DHRSX: variants seen among roughly 807,000 people sequenced by gnomAD.
DHRSX encodes polyprenol dehydrogenase.
DHRSX carries 31 observed loss-of-function variants against 34.0 expected under a neutral mutation model. The ratio of observed to expected loss-of-function variants is 0.91; its 90% confidence interval spans 0.69 to 1.23. DHRSX has a LOEUF of 1.23. Among genes scored for constraint, DHRSX ranks in the 50% most tolerant of loss-of-function variants. The pLI, the probability that DHRSX is intolerant of heterozygous loss-of-function variation, is 0.00. For missense variants in DHRSX, 414 were observed against 428.1 expected (o/e 0.97, Z 0.29); for synonymous variants, 201 against 183.8 (o/e 1.09, Z -0.76).
At chrX:2,247,824 C>G (rs1322873050) in intron 5 of DHRSX, among the ~76,000 whole-genome samples, 1 of 152,042 alleles carries the variant, frequency 6.6e-6, no homozygotes, top group Non-Finnish European at 1.5e-5. Flanking sequence ...TCTTGCTGAC[C>G]TTCTCCTACC....
At chrX:2,286,692 G>A (rs866397165) in intron 4 of DHRSX, among the ~76,000 whole-genome samples, 3 of 146,866 alleles carry the variant, frequency 2.0e-5, no homozygotes, top group Non-Finnish European at 3.0e-5. Flanking sequence ...ACCCACAGAG[G>A]AAAAAAAAAA....
intron 6 of DHRSX, among the ~76,000 whole-genome samples, chrX:2,239,592 T>TAA (rs905070918): frequency 6.7e-6 from 1 of 148,522 alleles, no homozygotes; most frequent in Non-Finnish European, 1.5e-5. Flanking sequence ...CCGTCTCTAC[T>TAA]AAAAAAAAAT....
chrX:2,373,817 A>C (rs1396255340), intron 3 of DHRSX, among the ~76,000 whole-genome samples: 1 of 152,138 alleles, frequency 6.6e-6, no homozygotes, highest in Non-Finnish European at 1.5e-5. Context: ...CCGGCCAGGA[A>C]ATAGAGGTGA....
intron 4 of DHRSX, among the ~76,000 whole-genome samples, chrX:2,274,100 TGATGTCG>T (rs1231794736): frequency 2.0e-5 from 3 of 151,788 alleles, no homozygotes; most frequent in Non-Finnish European, 4.4e-5. Flanking sequence ...TGCAGTGTTG[TGATGTCG>T]GCTCACTGCA....
intron 3 of DHRSX, among the ~76,000 whole-genome samples, chrX:2,380,708 C>T: frequency 6.6e-6 from 1 of 152,046 alleles, no homozygotes; most frequent in Non-Finnish European, 1.5e-5. Flanking sequence ...GTGGCATTCC[C>T]CCCTTGCTCT....
At chrX:2,354,958 GA>G (rs371703205) in intron 3 of DHRSX, among the ~76,000 whole-genome samples, 155 of 152,160 alleles carry the variant, frequency 1.0e-3, no homozygotes, top group African/African-American at 3.6e-3. Context: ...GGACTCATGG[GA>G]AAAACAGGCA....
At chrX:2,337,137 C>G (rs1212944856) in intron 3 of DHRSX, among the ~76,000 whole-genome samples, 1 of 152,106 alleles carries the variant, frequency 6.6e-6, no homozygotes, top group East Asian at 1.9e-4. Context: ...CCAGAAAAGC[C>G]AACAAAGCTA....
chrX:2,374,696 G>A (rs1168895225), intron 3 of DHRSX, among the ~76,000 whole-genome samples: 2 of 137,062 alleles, frequency 1.5e-5, no homozygotes, highest in East Asian at 2.0e-4. Context: ...CCGAGATCAC[G>A]CCATTGCACT....
At chrX:2,222,327 C>A (rs1399936752) in intron 6 of DHRSX, among the ~76,000 whole-genome samples, 1 of 152,242 alleles carries the variant, frequency 6.6e-6, no homozygotes, top group South Asian at 2.1e-4. Flanking sequence ...CCCCAGAGGT[C>A]AGGCTGGCCT....
intron 3 of DHRSX, among the ~76,000 whole-genome samples, chrX:2,366,164 G>T (rs1220582336): frequency 6.6e-6 from 1 of 152,066 alleles, no homozygotes; most frequent in Non-Finnish European, 1.5e-5. Flanking sequence ...AAAATAGGCC[G>T]GGTGTGGTGG....
chrX:2,305,589 G>A (rs967225186), intron 3 of DHRSX, among the ~76,000 whole-genome samples: 17 of 152,042 alleles, frequency 1.1e-4, no homozygotes, highest in Non-Finnish European at 1.5e-4. Context: ...TGGAACCAAC[G>A]CAAATGCCCG....
At chrX:2,494,396 T>C (rs760007464) in intron 1 of DHRSX, among the ~76,000 whole-genome samples, 1 of 152,074 alleles carries the variant, frequency 6.6e-6, no homozygotes, top group South Asian at 2.1e-4. Context: ...ATTCTATTAT[T>C]ATTACTTTTG....
chrX:2,227,384 G>A (rs1462657413), intron 6 of DHRSX, among the ~76,000 whole-genome samples: 4 of 150,512 alleles, frequency 2.7e-5, no homozygotes, highest in Admixed American at 2.0e-4. Context: ...AATAGAGAAA[G>A]GAATTAAGGA....
At chrX:2,420,175 G>A (rs1308498634) in intron 2 of DHRSX, among the ~76,000 whole-genome samples, 2 of 151,788 alleles carry the variant, frequency 1.3e-5, no homozygotes, top group South Asian at 2.1e-4. Flanking sequence ...TTGGGAGGCC[G>A]AGGCAGGCAA....
At chrX:2,442,253 G>A (rs189999091) in intron 1 of DHRSX, among the ~76,000 whole-genome samples, 2 of 151,132 alleles carry the variant, frequency 1.3e-5, no homozygotes, top group East Asian at 1.9e-4. Context: ...CATCCTCATC[G>A]TCTCCATGCT....
intron 3 of DHRSX, among the ~76,000 whole-genome samples, chrX:2,343,434 T>C (rs780797883): frequency 1.3e-5 from 2 of 152,340 alleles, no homozygotes; most frequent in South Asian, 2.1e-4. Context: ...GCATCATGCC[T>C]ACAGGAGCCA....
At chrX:2,276,455 C>T (rs1373412545) in intron 4 of DHRSX, among the ~76,000 whole-genome samples, 1 of 152,104 alleles carries the variant, frequency 6.6e-6, no homozygotes, top group South Asian at 2.1e-4. Context: ...TATCGTCCAT[C>T]GATCTGCCAA....
chrX:2,468,125 G>A (rs1186123996), intron 1 of DHRSX, among the ~76,000 whole-genome samples: 3 of 152,064 alleles, frequency 2.0e-5, no homozygotes, highest in African/African-American at 7.2e-5. Context: ...AATCACACTA[G>A]AAGTCTCTGA....
intron 5 of DHRSX, among the ~76,000 whole-genome samples, chrX:2,248,907 C>G (rs1284655068): frequency 1.3e-5 from 2 of 152,184 alleles, no homozygotes; most frequent in Non-Finnish European, 2.9e-5. Flanking sequence ...GACGGTTTCC[C>G]CTGCATCTTT....
Sources: allele counts gnomAD v4.1 joint callset (sites outside exome capture counted in the v4.1 genomes callset), GRCh38; gene constraint gnomAD v4.1.1; transcripts MANE v1.5; gene names NCBI Gene and HGNC (gene_info 2026-07-23, HGNC 2026-07-21).